The following RGS8 variants were observed in gnomAD, a reference collection of about 807,000 sequenced individuals.
RGS8 encodes regulator of G-protein signaling 8.
A neutral mutation model predicts 21.7 loss-of-function variants in RGS8; 8 were observed. The ratio of observed to expected loss-of-function variants is 0.37; its 90% CI spans 0.22 to 0.66. The LOEUF (loss-of-function observed/expected upper bound fraction) is 0.66. RGS8 is among the 30% of genes least tolerant of loss of function. The probability of loss-of-function intolerance (pLI) is 0.59; values close to 1 mark genes in which losing one functional copy is unlikely to be tolerated. For missense variants in RGS8, 157 were observed against 217.9 expected (o/e 0.72, Z 1.76); for synonymous variants, 80 against 83.6 (o/e 0.96, Z 0.24).
At chr1:182,645,585 T>C (rs901441542), downstream of RGS8, 4 of 152,226 alleles carry the variant, frequency 2.6e-5, no homozygotes, top group African/African-American at 7.2e-5. Flanking sequence ...ACACCTCCTA[T>C]TTCATGCTCA....
the RGS8 span, among the ~76,000 whole-genome samples, chr1:182,742,307 C>G: frequency 6.6e-6 from 1 of 150,418 alleles, no homozygotes; most frequent in Admixed American, 6.6e-5. Context: ...GGTGGCCAGG[C>G]GGAGACGCTC....
At chr1:182,671,772 G>A (rs376473902) in intron 1 of RGS8, 42 bp from the exon 3 acceptor site, 54 of 1,612,176 alleles carry the variant, frequency 3.3e-5, no homozygotes, top group Admixed American at 1.7e-4. Flanking sequence ...TCAAATCCTC[G>A]GCGAGTGAAG....
At chr1:182,658,766 G>C (rs10797790) in intron 5 of RGS8, 104,267 of 152,164 alleles carry the variant, frequency 0.69, 36,283 homozygotes, top group Non-Finnish European at 0.75. Context: ...AGGATCTCTT[G>C]AGCCCAGGAG....
chr1:182,654,578 T>A (rs776132278), intron 5 of RGS8, among the ~76,000 whole-genome samples: 15 of 152,224 alleles, frequency 9.9e-5, no homozygotes, highest in African/African-American at 1.4e-4. Context: ...GCTAGTCTAG[T>A]GTAACCGACA....
chr1:182,661,522 A>T (rs1663585164), intron 5 of RGS8, among the ~76,000 whole-genome samples: 1 of 152,012 alleles, frequency 6.6e-6, no homozygotes, highest in Admixed American at 6.6e-5. Flanking sequence ...GCAAGAAGGA[A>T]GGGAGAAATA....
downstream of RGS8, chr1:182,644,320 T>G (rs911145438): frequency 6.6e-6 from 1 of 152,268 alleles, no homozygotes; most frequent in African/African-American, 2.4e-5. Context: ...TGTACTAGTC[T>G]AATGCTCACA....
intron 3 of RGS8, 109 bp downstream of exon 4, chr1:182,669,515 C>T (rs1664045767): frequency 1.3e-6 from 2 of 1,504,590 alleles, no homozygotes; most frequent in South Asian, 2.3e-5. Flanking sequence ...GAAAGTAGAC[C>T]ACGCATGGGC....
the RGS8 span, among the ~76,000 whole-genome samples, chr1:182,731,492 A>G: frequency 2.0e-5 from 3 of 152,382 alleles, no homozygotes; most frequent in East Asian, 3.9e-4. Context: ...TTAGAGCTAG[A>G]AAAGATGAAA....
At chr1:182,734,611 T>A in the RGS8 span, 6 of 152,236 alleles carry the variant, frequency 3.9e-5, no homozygotes, top group Non-Finnish European at 5.9e-5. Flanking sequence ...TTATAAGGTA[T>A]GGTTTTGTAA....
At chr1:182,664,987 G>C (rs1237631219) in intron 5 of RGS8, among the ~76,000 whole-genome samples, 1 of 152,208 alleles carries the variant, frequency 6.6e-6, no homozygotes, top group Non-Finnish European at 1.5e-5. Flanking sequence ...TAACAACGCT[G>C]AGTCAAAATC....
chr1:182,712,973 C>A, the RGS8 span: 1 of 152,054 alleles, frequency 6.6e-6, no homozygotes, highest in African/African-American at 2.4e-5. Context: ...TGGCATCAGA[C>A]CGGTCAAATT....
intron 1 of RGS8, among the ~76,000 whole-genome samples, chr1:182,681,666 T>TGA (rs1664538953): frequency 6.6e-6 from 1 of 152,228 alleles, no homozygotes; most frequent in African/African-American, 2.4e-5. Flanking sequence ...AACTGGGAAC[T>TGA]GAGAGCACTC....
chr1:182,752,145 C>T, the RGS8 span, among the ~76,000 whole-genome samples: 1 of 152,220 alleles, frequency 6.6e-6, no homozygotes, highest in Non-Finnish European at 1.5e-5. Context: ...CACCTCATGT[C>T]ACAGTGTTAG....
Position 182,671,655 on chromosome 1 carries a change from A to AC in RGS8, c.-104+1dup. 6.2e-7 allele frequency: 1 copy of AC among 1,613,840 alleles called. No homozygotes were observed. Among genetic ancestry groups the AC allele is most frequent in the Non-Finnish European group, 8.5e-7 (1 of 1,179,694 alleles). ...AAAGAGAAAAGCAAAGGCAATACTC[A>AC]CTGTCTTTGGCCAGTCCTCATGGCC... is the stretch of plus-strand genomic sequence containing the variant. On this transcript the variant is annotated splice_donor_variant, in intron 2 of 6. Transcript: ENST00000483095. LOFTEE classifies it low-confidence loss of function (5UTR_SPLICE).
upstream of RGS8, among the ~76,000 whole-genome samples, chr1:182,686,734 A>T (rs1664717137): frequency 6.6e-6 from 1 of 152,164 alleles, no homozygotes; most frequent in Non-Finnish European, 1.5e-5. Flanking sequence ...CTTAGCAGAG[A>T]GGTAGGATTT....
chr1:182,703,152 C>T, the RGS8 span, among the ~76,000 whole-genome samples: 1 of 152,164 alleles, frequency 6.6e-6, no homozygotes, highest in African/African-American at 2.4e-5. Flanking sequence ...GTGCTTTGAC[C>T]TAAATTTTGC....
chr1:182,679,938 C>T (rs994745332), intron 1 of RGS8, among the ~76,000 whole-genome samples: 4 of 152,144 alleles, frequency 2.6e-5, no homozygotes, highest in Non-Finnish European at 5.9e-5. Context: ...AAAGTAATTA[C>T]AGGCAACTCC....
the RGS8 span, among the ~76,000 whole-genome samples, chr1:182,735,844 C>T: frequency 4.5e-3 from 689 of 152,322 alleles, 6 homozygotes; most frequent in African/African-American, 0.016. Flanking sequence ...CTCACAGAGA[C>T]ACAGGCAATA....
the RGS8 span, among the ~76,000 whole-genome samples, chr1:182,695,223 T>C: frequency 6.6e-6 from 1 of 152,174 alleles, no homozygotes. Flanking sequence ...GGTTAGTCTT[T>C]TTTCATATTG....
Sources: gnomAD v4.1 joint callset for allele counts (sites outside exome capture counted in the v4.1 genomes callset) on GRCh38, gnomAD v4.1.1 for gene constraint, MANE v1.5 for transcripts, NCBI Gene and HGNC (gene_info 2026-07-23, HGNC 2026-07-21) for gene names.